Variants in CNOT7 observed in about 807,000 individuals in gnomAD.
CNOT7 encodes BTG1-binding factor 1.
A neutral mutation model predicts 37.1 loss-of-function variants in CNOT7; 4 were observed. The observed-to-expected ratio is 0.11, with a 90% CI of 0.05 to 0.25. The LOEUF (loss-of-function observed/expected upper bound fraction) is 0.25. Ranked by LOEUF, CNOT7 falls within the 10% of genes least tolerant of loss-of-function variation. CNOT7 has a pLI of 1.00. For synonymous variants in CNOT7, 128 were observed against 115.6 expected (o/e 1.11, Z -0.69); for missense variants, 170 against 336.2 (o/e 0.51, Z 3.87).
Position 17,225,415 on chromosome 8 carries a change from G to C in CNOT7, c.*5305C>G, listed in dbSNP as rs1808088257. 1 of 151,670 alleles carries C rather than the reference G, an allele frequency of 6.6e-6. No individual in the cohort carries two copies. Among genetic ancestry groups the C allele is most frequent in the South Asian group, 2.1e-4 (1 of 4,828 alleles). 9.4% of individuals were successfully genotyped at this position (151,670 alleles called of 1,614,324 possible). A position where few individuals can be genotyped will look rare whatever the true frequency, so the allele number is the denominator to read the frequency against. Reference sequence around the variant, plus strand: ...GTATTGACCAGTTTATCTTTAAAAAGAAAATGAGTAATTCTGGAGAAATGT... The same window carrying C: ...GTATTGACCAGTTTATCTTTAAAAACAAAATGAGTAATTCTGGAGAAATGT... On this transcript the variant is annotated 3_prime_UTR_variant, in exon 7 of 7. Transcript: ENST00000361272.
intron 6 of CNOT7, 104 bp from the exon 7 acceptor site, chr8:17,230,952 A>G (rs901099089): frequency 2.6e-6 from 2 of 772,994 alleles, no homozygotes; most frequent in Non-Finnish European, 4.1e-6. Flanking sequence ...ACTGACAATA[A>G]TGATGGCTCT....
At chr8:17,236,764 T>C (rs1451901013) in intron 4 of CNOT7, among the ~76,000 whole-genome samples, 1 of 152,168 alleles carries the variant, frequency 6.6e-6, no homozygotes, top group Non-Finnish European at 1.5e-5. Context: ...AGGAAAATAA[T>C]TTTCATCTGT....
intron 5 of CNOT7, 54 bp downstream of exon 5, chr8:17,234,662 A>C: frequency 6.3e-7 from 1 of 1,580,692 alleles, no homozygotes. Flanking sequence ...CTCGCATGAC[A>C]GTCACTTGGT....
chr8:17,227,793 A>C lies in CNOT7; in HGVS notation c.*2927T>G, dbSNP rs2904694. ...ATATAATAAAATAGTCCATATTCCA[A>C]TGTGCCTTGAAAGTGTAACATTCAA... is the stretch of plus-strand genomic sequence containing the variant. On this transcript the variant is annotated 3_prime_UTR_variant, in exon 7 of 7. Transcript: ENST00000361272. 6.6e-6 allele frequency: 1 copy of C among 151,836 alleles called. No homozygotes were observed. The highest frequency in any genetic ancestry group is 1.5e-5 in the Non-Finnish European group (1 of 67,790). 9.4% of individuals were successfully genotyped at this position (151,836 alleles called of 1,614,324 possible). A position where few individuals can be genotyped will look rare whatever the true frequency, so the allele number is the denominator to read the frequency against.
intron 6 of CNOT7, chr8:17,231,439 T>C (rs545483692): frequency 2.6e-5 from 19 of 727,728 alleles, no homozygotes; most frequent in African/African-American, 2.1e-4. Context: ...AATGAAACAA[T>C]TGGAAGGAGT....
At chr8:17,240,062 A>C (rs989079511) in intron 3 of CNOT7, among the ~76,000 whole-genome samples, 53 of 152,366 alleles carry the variant, frequency 3.5e-4, no homozygotes, top group African/African-American at 1.3e-3. Flanking sequence ...AGTGTCTAGC[A>C]CTGTAACTGA....
chr8:17,237,367 G>A lies in CNOT7; in HGVS notation c.318C>T (p.Asp106=), dbSNP rs1489349015. The A allele has an allele frequency of 6.2e-7, 1 of 1,613,328 alleles. No homozygotes were observed. Among genetic ancestry groups the A allele is most frequent in the East Asian group, 2.2e-5 (1 of 44,832 alleles). The change falls in exon 4 of 7, where the codon GAC becomes GAT. Residue 106 remains aspartate (D), a synonymous_variant. Transcript: ENST00000361272. The part of the protein sequence containing the change: ...QFNFKFNLTE[D]MYAQDSIELL... ...GCTCTATAGAGTCCTGGGCATACATGTCCTCCCTGGCAGAAGAAAGAGAAA... is the reference window on the plus strand; with the variant it reads ...GCTCTATAGAGTCCTGGGCATACATATCCTCCCTGGCAGAAGAAAGAGAAA...
chr8:17,226,790 T>C lies in CNOT7; in HGVS notation c.*3930A>G, dbSNP rs937341034. 3 of 151,752 alleles carry C rather than the reference T, an allele frequency of 2.0e-5. No individual in the cohort carries two copies. The highest frequency in any genetic ancestry group is 7.2e-5 in the African/African-American group (3 of 41,398). 9.4% of individuals were successfully genotyped at this position (151,752 alleles called of 1,614,324 possible). A position where few individuals can be genotyped will look rare whatever the true frequency, so the allele number is the denominator to read the frequency against. ...CATATTATGTTGTTGTACCTTGTAA[T>C]TTCAGGTCAAATTCATTAAGAAACA... On this transcript the variant is annotated 3_prime_UTR_variant, in exon 7 of 7. Coordinates refer to ENST00000361272, the MANE Select transcript of CNOT7 (RefSeq NM_013354.7).
chr8:17,235,351 A>G (rs1396626545), intron 4 of CNOT7, among the ~76,000 whole-genome samples: 6 of 152,178 alleles, frequency 3.9e-5, no homozygotes, highest in Admixed American at 6.5e-5. Context: ...ACTTTATCCA[A>G]AGAATAAGAC....
intron 6 of CNOT7, chr8:17,231,936 C>G (rs542148735): frequency 7.1e-6 from 7 of 987,104 alleles, no homozygotes; most frequent in East Asian, 1.1e-4. Flanking sequence ...AGCCTGAGTT[C>G]TTCTCTATAA....
At chr8:17,238,452 G>T (rs148104890) in intron 3 of CNOT7, among the ~76,000 whole-genome samples, 83 of 150,404 alleles carry the variant, frequency 5.5e-4, no homozygotes, top group African/African-American at 1.8e-3. Context: ...GTAAAAGTCA[G>T]TCTCCCCTGG....
chr8:17,230,557 T>G lies in CNOT7; in HGVS notation c.*163A>C. 4.5e-6 allele frequency: 2 copies of G among 442,694 alleles called. No individual in the cohort carries two copies. The highest frequency in any genetic ancestry group is 7.8e-6 in the Non-Finnish European group (2 of 255,750). The allele number at this position is 442,694 out of a possible 1,614,324, so 27.4% of individuals were successfully genotyped here. On this transcript the variant is annotated 3_prime_UTR_variant, in exon 7 of 7. Coordinates refer to ENST00000361272, the MANE Select transcript of CNOT7 (RefSeq NM_013354.7). ...TTTTTTTTTTCTTTTTATTAAGATC[T>G]GAGATAGGAACGGTCATACTTAGTA...
chr8:17,237,815 C>A (rs540640885), intron 3 of CNOT7, among the ~76,000 whole-genome samples: 1 of 152,354 alleles, frequency 6.6e-6, no homozygotes, highest in African/African-American at 2.4e-5. Flanking sequence ...GTGCTCTCAG[C>A]AGCACCAGTA....
At position 17,228,950 on chromosome 8, in the gene CNOT7, A is replaced by C. The variant is rs373091074; in HGVS notation, c.*1770T>G. The C allele has an allele frequency of 2.6e-5, 4 of 152,088 alleles. No homozygotes were observed. In the South Asian group the frequency reaches 8.3e-4, roughly 32 times the overall value. 9.4% of individuals were successfully genotyped at this position (152,088 alleles called of 1,614,324 possible). The stretch of plus-strand genomic sequence containing the variant: ...TTTTTAAAAAGCCACAGTTATACCA[A>C]ATGTATTTACTTTGTGAAGTATATC... On this transcript the variant is annotated 3_prime_UTR_variant, in exon 7 of 7. Transcript: ENST00000361272.
At position 17,244,753 on chromosome 8, in the gene CNOT7, G is replaced by A. The variant is rs190002683; in HGVS notation, c.117+283C>T. 3.1e-4 allele frequency: 92 copies of A among 294,116 alleles called. 1 individual carries two copies. In the Admixed American group the frequency reaches 4.3e-3, roughly 14 times the overall value. 18.2% of individuals were successfully genotyped at this position (294,116 alleles called of 1,614,324 possible). A position where few individuals can be genotyped will look rare whatever the true frequency, so the allele number is the denominator to read the frequency against. On this transcript the variant is annotated intron_variant, in intron 2 of 6. Coordinates refer to ENST00000361272, the MANE Select transcript of CNOT7 (RefSeq NM_013354.7). ...CTCTGCTTCCCTTACCTTCCCCTAAGACCACCTGACACGAGCCCAAATCCT... is the reference window on the plus strand; with the variant it reads ...CTCTGCTTCCCTTACCTTCCCCTAAAACCACCTGACACGAGCCCAAATCCT...
At position 17,234,605 on chromosome 8, in the gene CNOT7, C is replaced by A. The variant is rs779470663; in HGVS notation, c.618+111G>T. ...CATGACCAGATAATATAATTGCATT[C>A]ACTGTAATACTTTAAAATATGGTTT... On this transcript the variant is annotated intron_variant, in intron 5 of 6. Coordinates refer to ENST00000361272, the MANE Select transcript of CNOT7 (RefSeq NM_013354.7). 66 of 1,101,582 alleles carry A rather than the reference C, an allele frequency of 6.0e-5. No individual in the cohort carries two copies. The South Asian group carries it at 6.6e-4, about 11-fold the overall frequency. 68.2% of individuals were successfully genotyped at this position (1,101,582 alleles called of 1,614,324 possible).
intron 4 of CNOT7, among the ~76,000 whole-genome samples, chr8:17,235,851 T>A (rs1202373636): frequency 6.6e-6 from 1 of 152,212 alleles, no homozygotes; most frequent in East Asian, 1.9e-4. Flanking sequence ...TCAGTCTAAC[T>A]TAGATTCTAA....
In CNOT7 at chr8:17,226,029, C is replaced by CTTTTTTTTTTTTTTTTTTTTT. The variant is rs61036000; in HGVS notation, c.*4670_*4690dup. ...TCTTCTAGTAGAGAGGTGGACAAGC[C>CTTTTTTTTTTTTTTTTTTTTT]TTTTTTTTTTTTTTTTTTTTTTTTT... On this transcript the variant is annotated 3_prime_UTR_variant, in exon 7 of 7. Coordinates refer to ENST00000361272, the MANE Select transcript of CNOT7 (RefSeq NM_013354.7). 8 of 58,720 alleles carry CTTTTTTTTTTTTTTTTTTTTT rather than the reference C, an allele frequency of 1.4e-4. 2 individuals carry two copies. The highest frequency in any genetic ancestry group is 2.9e-4 in the Admixed American group (1 of 3,506). The allele number at this position is 58,720 out of a possible 1,614,324, so 3.6% of individuals were successfully genotyped here.
At chr8:17,233,683 C>A (rs960004270) in intron 5 of CNOT7, among the ~76,000 whole-genome samples, 1 of 152,122 alleles carries the variant, frequency 6.6e-6, no homozygotes, top group Non-Finnish European at 1.5e-5. Context: ...GCAAGGGATA[C>A]CCTACTGCAA....
Sources: allele counts gnomAD v4.1 joint callset (sites outside exome capture counted in the v4.1 genomes callset), GRCh38; gene constraint gnomAD v4.1.1; transcripts MANE v1.5; gene names NCBI Gene and HGNC (gene_info 2026-07-23, HGNC 2026-07-21).